The following CDH4 variants were observed in gnomAD, a reference collection of about 807,000 sequenced individuals.
CDH4 encodes cadherin 4.
In CDH4, 33 loss-of-function variants were observed where a neutral mutation model predicts 86.0. The observed-to-expected ratio is 0.38, with a 90% confidence interval of 0.29 to 0.51. The LOEUF is 0.51. Among genes scored for constraint, CDH4 ranks in the 20% least tolerant of loss-of-function variants. The pLI is 0.86. For synonymous variants in CDH4, 555 were observed against 549.4 expected, an observed-to-expected ratio of 1.01 and a Z score of -0.14; for missense variants, 1,114 against 1,307.4, an observed-to-expected ratio of 0.85 and a Z score of 2.28.
intron 2 of CDH4, among the ~76,000 whole-genome samples, chr20:61,710,468 C>T (rs993582063): frequency 2.0e-5 from 3 of 152,234 alleles, no homozygotes; most frequent in Admixed American, 6.5e-5. Flanking sequence ...GCAGAGCCCC[C>T]CTCCTGGGGA....
intron 3 of CDH4, among the ~76,000 whole-genome samples, chr20:61,764,650 C>A (rs978620616): frequency 6.6e-6 from 1 of 152,184 alleles, no homozygotes; most frequent in South Asian, 2.1e-4. Context: ...ATGCATGGGG[C>A]TTTGTCGTGC....
At chr20:61,838,215 AGGAAC>A (rs1041086363) in intron 4 of CDH4, among the ~76,000 whole-genome samples, 1 of 151,922 alleles carries the variant, frequency 6.6e-6, no homozygotes, top group Non-Finnish European at 1.5e-5. Context: ...TTGTTTGTCC[AGGAAC>A]GGTTGGGCCC....
chr20:61,505,110 C>G lies in CDH4; in HGVS notation c.170-238453C>G, dbSNP rs569609272. Among the ~76,000 whole-genome samples the G allele has an allele frequency of 7.2e-4, 109 of 152,306 alleles. 1 individual carries two copies. The Middle Eastern group carries it at 0.02, about 29-fold the overall frequency. ...ATTTTAAAATCCGCATCTGCTTTCA[C>G]TCATGTCTGGGAAGGGAGGTGGGTG... On this transcript the variant is annotated intron_variant, in intron 2 of 15. Transcript: ENST00000614565.
At chr20:61,910,717 A>C in intron 9 of CDH4, 110 bp downstream of exon 9, 2 of 1,026,866 alleles carry the variant, frequency 1.9e-6, no homozygotes, top group Admixed American at 2.1e-5. Context: ...TGCCCCCCTA[A>C]TATCCAAGGG....
At chr20:61,907,537 C>A (rs2054803734) in intron 8 of CDH4, among the ~76,000 whole-genome samples, 1 of 152,236 alleles carries the variant, frequency 6.6e-6, no homozygotes, top group Admixed American at 6.5e-5. Context: ...AGGCACCATC[C>A]CCCATGCCAT....
chr20:61,380,523 A>ACCCCCCCCCCCCCCCCCCC (rs141105277), intron 2 of CDH4, among the ~76,000 whole-genome samples: 13 of 148,958 alleles, frequency 8.7e-5, no homozygotes, highest in Non-Finnish European at 1.2e-4. Flanking sequence ...CCATCCTACA[A>ACCCCCCCCCCCCCCCCCCC]ACCCCCCTGC....
chr20:61,867,312 G>C (rs1459664699), intron 6 of CDH4, among the ~76,000 whole-genome samples: 1 of 152,224 alleles, frequency 6.6e-6, no homozygotes, highest in Non-Finnish European at 1.5e-5. Context: ...CACTTTGGGA[G>C]GCCAAGGCAG....
In CDH4 at chr20:61,501,904, C is replaced by T. The variant is rs1195168564; in HGVS notation, c.170-241659C>T. On this transcript the variant is annotated intron_variant, in intron 2 of 15. Coordinates refer to ENST00000614565, the MANE Select transcript of CDH4 (RefSeq NM_001794.5). This position sits in a 1 kb window ranked among gnomAD's most constrained non-coding sequence, Gnocchi z 4.2. ...CTGCGAGAACATGTTCTCCACTCCC[C>T]CAGCTCCTCTGAGGAATGCCTGAGT... 1.3e-5 allele frequency among the ~76,000 whole-genome samples: 2 copies of T among 152,170 alleles called. No individual in the cohort carries two copies. Among genetic ancestry groups the T allele is most frequent in the Middle Eastern group, 3.2e-3 (1 of 316 alleles).
intron 2 of CDH4, among the ~76,000 whole-genome samples, chr20:61,542,127 A>G (rs896810314): frequency 6.6e-6 from 1 of 152,200 alleles, no homozygotes; most frequent in Non-Finnish European, 1.5e-5. Flanking sequence ...ACCACATTCC[A>G]CCTGCTCTAA....
chr20:61,792,244 T>C (rs1349445621), intron 4 of CDH4, among the ~76,000 whole-genome samples: 2 of 152,078 alleles, frequency 1.3e-5, no homozygotes, highest in Non-Finnish European at 2.9e-5. Context: ...CGAGGCTGGC[T>C]CCTGGGTTTT....
intron 2 of CDH4, among the ~76,000 whole-genome samples, chr20:61,713,407 G>A (rs965843849): frequency 6.6e-6 from 1 of 152,228 alleles, no homozygotes; most frequent in Non-Finnish European, 1.5e-5. Flanking sequence ...TGGGTCCTGT[G>A]TACTCTAAGC....
intron 2 of CDH4, among the ~76,000 whole-genome samples, chr20:61,680,123 C>T (rs964671143): frequency 4.6e-5 from 7 of 152,304 alleles, no homozygotes; most frequent in Non-Finnish European, 8.8e-5. Context: ...GAGGAACAGA[C>T]GCCATCTTTA....
chr20:61,429,269 T>G (rs558120741), intron 2 of CDH4, among the ~76,000 whole-genome samples: 40 of 152,264 alleles, frequency 2.6e-4, no homozygotes, highest in African/African-American at 9.1e-4. Flanking sequence ...CTTCGAAAAT[T>G]TATTCAACGT....
In CDH4 at chr20:61,505,708, C is replaced by T. The variant is rs778437703; in HGVS notation, c.170-237855C>T. On this transcript the variant is annotated intron_variant, in intron 2 of 15. Transcript: ENST00000614565. ...GGCATCCTGCCTGGCAAGCCACAGTCGCTCACTGCAAGTTGGCGGGAAAAA... is the reference window on the plus strand; with the variant it reads ...GGCATCCTGCCTGGCAAGCCACAGTTGCTCACTGCAAGTTGGCGGGAAAAA... Among the ~76,000 whole-genome samples, 7 of 143,770 alleles carry T rather than the reference C, an allele frequency of 4.9e-5. No individual in the cohort carries two copies. In the East Asian group the frequency reaches 7.7e-4, roughly 16 times the overall value. The allele number at this position is 143,770 out of a possible 152,430, so 94.3% of individuals were successfully genotyped here. A position where few individuals can be genotyped will look rare whatever the true frequency, so the allele number is the denominator to read the frequency against.
rs555958754 is a variant in CDH4, at chr20:61,832,895, A to T, written c.577-11773A>T. Among the ~76,000 whole-genome samples the T allele has an allele frequency of 1.5e-4, 23 of 152,226 alleles. No individual in the cohort carries two copies. The Middle Eastern group carries it at 0.01, about 68-fold the overall frequency. Reference sequence around the variant, plus strand: ...TCTTATTTCTGTGCCCCTGACACTGATGCTATTACTAGTACTGTCAAAATT... The same window carrying T: ...TCTTATTTCTGTGCCCCTGACACTGTTGCTATTACTAGTACTGTCAAAATT... On this transcript the variant is annotated intron_variant, in intron 4 of 15. Transcript: ENST00000614565.
At position 61,708,644 on chromosome 20, in the gene CDH4, C is replaced by T. The variant is rs1012812481; in HGVS notation, c.170-34919C>T. ...TCCTGTGCCTGGAGCCCCTCCCAGA[C>T]GTTTGCACCCCACCCCTTCCCATCC... On this transcript the variant is annotated intron_variant, in intron 2 of 15. Coordinates refer to ENST00000614565, the MANE Select transcript of CDH4 (RefSeq NM_001794.5). This position sits in a 1 kb window ranked among gnomAD's most constrained non-coding sequence, Gnocchi z 4.5. Among the ~76,000 whole-genome samples, 3 of 152,116 alleles carry T rather than the reference C, an allele frequency of 2.0e-5. No individual in the cohort carries two copies. Among genetic ancestry groups the T allele is most frequent in the Admixed American group, 6.5e-5 (1 of 15,270 alleles).
chr20:61,785,857 A>G (rs1978852612), intron 4 of CDH4, among the ~76,000 whole-genome samples: 1 of 152,198 alleles, frequency 6.6e-6, no homozygotes, highest in African/African-American at 2.4e-5. Flanking sequence ...TGAATTTTTA[A>G]GCCTTCAGAG....
rs1673068631 is a variant in CDH4, at chr20:61,377,391, C to T, written c.169+122454C>T. 6.6e-6 allele frequency among the ~76,000 whole-genome samples: 1 copy of T among 152,122 alleles called. No homozygotes were observed. ...CGGTTGAGTTGTGTGGTCCAGGGCT[C>T]TGCCGGCCCCGCCTCCTGGTTGCCC... On this transcript the variant is annotated intron_variant, in intron 2 of 15. Coordinates refer to ENST00000614565, the MANE Select transcript of CDH4 (RefSeq NM_001794.5). The surrounding 1 kb of genome is among the most constrained non-coding windows in gnomAD (Gnocchi z 4.0).
intron 4 of CDH4, among the ~76,000 whole-genome samples, chr20:61,816,177 G>A (rs4925298): frequency 0.12 from 18,231 of 152,140 alleles, 1,837 homozygotes; most frequent in African/African-American, 0.27. Flanking sequence ...TCCAGGAGGT[G>A]CCACCATCAT....
Sources: gnomAD v4.1 joint callset for allele counts (sites outside exome capture counted in the v4.1 genomes callset) on GRCh38, gnomAD v4.1.1 for gene constraint, Gnocchi (gnomAD v3.1) non-coding constraint, MANE v1.5 for transcripts, NCBI Gene and HGNC (gene_info 2026-07-23, HGNC 2026-07-21) for gene names.